The following AGBL4 variants were observed in gnomAD, a reference collection of about 807,000 sequenced individuals.
AGBL4 encodes the protein cytosolic carboxypeptidase 6.
In AGBL4, 58 loss-of-function variants were observed where a neutral mutation model predicts 66.4. The ratio of observed to expected loss-of-function variants is 0.87; its 90% CI spans 0.71 to 1.09. AGBL4 has a LOEUF of 1.09. AGBL4 is among the 50% of genes least tolerant of loss of function. The pLI, the probability that AGBL4 is intolerant of heterozygous loss-of-function variation, is 0.00. For missense variants in AGBL4, 579 were observed against 631.0 expected (o/e 0.92, Z 0.88); for synonymous variants, 234 against 222.9 (o/e 1.05, Z -0.44).
At chr1:49,870,491 T>G (rs1646811878) in intron 1 of AGBL4, among the ~76,000 whole-genome samples, 1 of 151,354 alleles carries the variant, frequency 6.6e-6, no homozygotes, top group African/African-American at 2.4e-5. Context: ...GATGAGTGCC[T>G]CATTCTCAAT....
At chr1:49,834,327 A>G (rs527598617) in intron 2 of AGBL4, among the ~76,000 whole-genome samples, 96 of 152,344 alleles carry the variant, frequency 6.3e-4, no homozygotes, top group African/African-American at 2.1e-3. Flanking sequence ...GTATGTGTCC[A>G]GGAATTTATC....
chr1:49,023,705 A>G (rs1344265581), intron 5 of AGBL4, among the ~76,000 whole-genome samples: 1 of 152,180 alleles, frequency 6.6e-6, no homozygotes, highest in Non-Finnish European at 1.5e-5. Context: ...AGCTACAGGT[A>G]ACTTATCCAT....
chr1:49,007,255 T>A, intron 5 of AGBL4, among the ~76,000 whole-genome samples: 1 of 110,388 alleles, frequency 9.1e-6, no homozygotes, highest in Non-Finnish European at 1.9e-5. Context: ...GCCGATGCGA[T>A]CAACTGGAAG....
chr1:48,847,205 C>T (rs887313423), intron 6 of AGBL4, among the ~76,000 whole-genome samples: 3 of 152,140 alleles, frequency 2.0e-5, no homozygotes, highest in African/African-American at 7.2e-5. Context: ...GAGGCTGAGG[C>T]AGGAGAATCA....
intron 7 of AGBL4, among the ~76,000 whole-genome samples, chr1:48,660,907 T>C (rs1427322083): frequency 6.6e-6 from 1 of 152,142 alleles, no homozygotes. Flanking sequence ...CAAGGGAACA[T>C]GTACAGGCTT....
chr1:49,455,797 C>T (rs753881975), intron 3 of AGBL4, among the ~76,000 whole-genome samples: 1 of 151,706 alleles, frequency 6.6e-6, no homozygotes. Flanking sequence ...TCCCTTTGCT[C>T]ATTGTGTTCA....
At chr1:49,573,924 C>T (rs1405413795) in intron 3 of AGBL4, among the ~76,000 whole-genome samples, 1 of 152,094 alleles carries the variant, frequency 6.6e-6, no homozygotes, top group Non-Finnish European at 1.5e-5. Flanking sequence ...TGGCAACATC[C>T]CCACCCCAAC....
chr1:49,787,802 C>A (rs1034425882), intron 2 of AGBL4, among the ~76,000 whole-genome samples: 5 of 152,070 alleles, frequency 3.3e-5, no homozygotes, highest in African/African-American at 1.2e-4. Context: ...ATTCCTCCAA[C>A]AATGAACTGT....
chr1:49,044,190 A>G (rs1440548036), intron 5 of AGBL4, among the ~76,000 whole-genome samples: 1 of 152,142 alleles, frequency 6.6e-6, no homozygotes, highest in Non-Finnish European at 1.5e-5. Context: ...GTTTGGGCAC[A>G]AGAGGAAGAG....
chr1:49,635,280 A>G (rs946096303), intron 3 of AGBL4, among the ~76,000 whole-genome samples: 2 of 152,230 alleles, frequency 1.3e-5, no homozygotes, highest in Non-Finnish European at 2.9e-5. Context: ...GAAAGATAAA[A>G]TGAGAGATCT....
intron 5 of AGBL4, among the ~76,000 whole-genome samples, chr1:48,958,317 G>A (rs943215525): frequency 2.6e-5 from 4 of 152,138 alleles, no homozygotes; most frequent in Non-Finnish European, 1.5e-5. Flanking sequence ...TTCCACTTCA[G>A]AGAGGCTAAC....
At chr1:49,298,214 A>G (rs1306240107) in intron 3 of AGBL4, among the ~76,000 whole-genome samples, 2 of 152,196 alleles carry the variant, frequency 1.3e-5, no homozygotes, top group African/African-American at 2.4e-5. Flanking sequence ...TTATTTCTGT[A>G]GAGAATGGCA....
chr1:49,306,737 T>C (rs565378416), intron 3 of AGBL4, among the ~76,000 whole-genome samples: 31 of 152,260 alleles, frequency 2.0e-4, no homozygotes, highest in East Asian at 1.5e-3. Context: ...AGAGAAGAAA[T>C]TATGGTAATT....
intron 4 of AGBL4, among the ~76,000 whole-genome samples, chr1:49,238,472 T>A (rs894975752): frequency 2.0e-5 from 3 of 152,174 alleles, no homozygotes; most frequent in Non-Finnish European, 4.4e-5. Flanking sequence ...ATTGAGCCCA[T>A]TCTTAAGTGG....
At chr1:49,573,489 T>G (rs1571078956) in intron 3 of AGBL4, among the ~76,000 whole-genome samples, 1 of 152,264 alleles carries the variant, frequency 6.6e-6, no homozygotes, top group East Asian at 1.9e-4. Flanking sequence ...ATAATACCTT[T>G]GACCATATGT....
chr1:49,015,887 A>C (rs912473479), intron 5 of AGBL4, among the ~76,000 whole-genome samples: 1 of 152,240 alleles, frequency 6.6e-6, no homozygotes, highest in Non-Finnish European at 1.5e-5. Context: ...AAAAACCCCC[A>C]AAAACAAAAA....
intron 1 of AGBL4, among the ~76,000 whole-genome samples, chr1:49,876,120 T>C (rs1646998011): frequency 6.7e-6 from 1 of 150,126 alleles, no homozygotes; most frequent in African/African-American, 2.5e-5. Context: ...CTGTTCACTC[T>C]GACGGTAGTT....
chr1:50,004,366 C>T (rs2148425008), intron 1 of AGBL4, among the ~76,000 whole-genome samples: 1 of 152,300 alleles, frequency 6.6e-6, no homozygotes, highest in African/African-American at 2.4e-5. Context: ...GTCTAGGCCA[C>T]TAGGACTGTA....
At chr1:49,487,083 A>T (rs750747581) in intron 3 of AGBL4, among the ~76,000 whole-genome samples, 7 of 151,938 alleles carry the variant, frequency 4.6e-5, no homozygotes, top group African/African-American at 1.4e-4. Flanking sequence ...GTTCAAAAAT[A>T]AGCTGGTGTG....
Sources: gnomAD v4.1 joint callset for allele counts (sites outside exome capture counted in the v4.1 genomes callset) on GRCh38, gnomAD v4.1.1 for gene constraint, MANE v1.5 for transcripts, NCBI Gene and HGNC (gene_info 2026-07-23, HGNC 2026-07-21) for gene names.